The following PCDH15 variants were observed in gnomAD, a reference collection of about 807,000 sequenced individuals.
PCDH15 encodes the protein protocadherin-15.
A neutral mutation model predicts 178.5 loss-of-function variants in PCDH15; 129 were observed. The observed-to-expected ratio is 0.72, with a 90% CI of 0.63 to 0.84. The LOEUF is 0.84. Ranked by LOEUF, PCDH15 falls within the 40% of genes least tolerant of loss-of-function variation. The probability of loss-of-function intolerance (pLI) is 0.00; values close to 1 mark genes in which losing one functional copy is unlikely to be tolerated. For synonymous variants in PCDH15, 800 were observed against 732.0 expected (o/e 1.09, Z -1.50); for missense variants, 2,230 against 2,099.9 (o/e 1.06, Z -1.21).
chr10:54,176,398 G>A (rs576644038), intron 13 of PCDH15, among the ~76,000 whole-genome samples: 1 of 152,146 alleles, frequency 6.6e-6, no homozygotes, highest in South Asian at 2.1e-4. Flanking sequence ...TTATTAAAGA[G>A]GTAACAATTG....
At chr10:55,175,663 C>CAAAAAA (rs71014459) in intron 1 of PCDH15, among the ~76,000 whole-genome samples, 1 of 106,654 alleles carries the variant, frequency 9.4e-6, no homozygotes, top group Non-Finnish European at 1.9e-5. Flanking sequence ...GACTCTGTCT[C>CAAAAAA]AAAAAAAAAA....
rs566830883 is a variant in PCDH15, at chr10:54,093,006, A to G, written c.1918-2943T>C. 6.4e-4 allele frequency among the ~76,000 whole-genome samples: 98 copies of G among 152,300 alleles called. 1 individual carries two copies. The highest frequency in any genetic ancestry group is 2.2e-3 in the African/African-American group (90 of 41,576). ...GCTTCATGTAAACAATTTTAAGACC[A>G]GATTAATATCGAATCTTTTATTATA... On this transcript the variant is annotated intron_variant, in intron 15 of 37. Transcript: ENST00000644397.
chr10:55,018,805 G>C (rs1840250846), intron 2 of PCDH15, among the ~76,000 whole-genome samples: 1 of 152,010 alleles, frequency 6.6e-6, no homozygotes, highest in Non-Finnish European at 1.5e-5. Context: ...TTGACATTGA[G>C]GCTAGATGTT....
intron 2 of PCDH15, among the ~76,000 whole-genome samples, chr10:54,590,083 T>C (rs2091781529): frequency 6.6e-6 from 1 of 152,204 alleles, no homozygotes; most frequent in African/African-American, 2.4e-5. Flanking sequence ...TTTCCCAGTT[T>C]GGCTTTTATT....
At chr10:53,881,706 T>A (rs1321029309) in intron 26 of PCDH15, among the ~76,000 whole-genome samples, 2 of 152,194 alleles carry the variant, frequency 1.3e-5, no homozygotes, top group Non-Finnish European at 2.9e-5. Flanking sequence ...AGATTACTTT[T>A]GTCTACATAA....
chr10:55,154,222 A>G (rs1423702748), intron 2 of PCDH15, among the ~76,000 whole-genome samples: 1 of 152,158 alleles, frequency 6.6e-6, no homozygotes, highest in Non-Finnish European at 1.5e-5. Context: ...ATATGAATTC[A>G]TCTTTTACAG....
chr10:55,598,020 T>A (rs1212060390), intron 2 of PCDH15, among the ~76,000 whole-genome samples: 1 of 152,032 alleles, frequency 6.6e-6, no homozygotes, highest in Non-Finnish European at 1.5e-5. Context: ...TAAACGCAGC[T>A]CAAAACACTT....
intron 2 of PCDH15, among the ~76,000 whole-genome samples, chr10:55,549,168 G>GT (rs1321958280): frequency 1.4e-5 from 2 of 147,614 alleles, no homozygotes; most frequent in Admixed American, 1.3e-4. Context: ...TTGTTTGTTT[G>GT]TTTGTTTTTT....
At chr10:53,897,063 C>A (rs955088558) in intron 26 of PCDH15, among the ~76,000 whole-genome samples, 5 of 152,126 alleles carry the variant, frequency 3.3e-5, no homozygotes, top group Admixed American at 6.5e-5. Flanking sequence ...CAAAACCAGG[C>A]CCTGGTGCCA....
chr10:54,840,571 C>A (rs1306304920), intron 3 of PCDH15, among the ~76,000 whole-genome samples: 3 of 151,472 alleles, frequency 2.0e-5, no homozygotes, highest in South Asian at 2.1e-4. Context: ...AACAGAATGG[C>A]AAAACTAAGT....
chr10:55,131,259 T>C (rs1838034872), intron 2 of PCDH15, among the ~76,000 whole-genome samples: 1 of 152,286 alleles, frequency 6.6e-6, no homozygotes, highest in Non-Finnish European at 1.5e-5. Flanking sequence ...GTCTCCATAG[T>C]TGCAGGCATG....
At chr10:54,254,077 G>T (rs1249026879) in intron 8 of PCDH15, among the ~76,000 whole-genome samples, 2 of 151,968 alleles carry the variant, frequency 1.3e-5, no homozygotes, top group East Asian at 3.9e-4. Flanking sequence ...CATTGAAAAG[G>T]ATAAATTTAT....
At chr10:54,277,719 T>C (rs374237805) in intron 8 of PCDH15, among the ~76,000 whole-genome samples, 6 of 151,702 alleles carry the variant, frequency 4.0e-5, no homozygotes, top group African/African-American at 1.4e-4. Context: ...ATAAAAGTTA[T>C]TTAACAAGAC....
In PCDH15 at chr10:54,392,269, A is replaced by T. The variant is rs1950626603; in HGVS notation, c.158-13327T>A. Among the ~76,000 whole-genome samples, 3 of 128,798 alleles carry T rather than the reference A, an allele frequency of 2.3e-5. No individual in the cohort carries two copies. The South Asian group carries it at 8.5e-4, about 36-fold the overall frequency. 84.5% of individuals were successfully genotyped at this position (128,798 alleles called of 152,430 possible). A position where few individuals can be genotyped will look rare whatever the true frequency, so the allele number is the denominator to read the frequency against. The stretch of plus-strand genomic sequence containing the variant: ...CTCCTGAGGCCAGGAGTTCAAGGTC[A>T]GTCTGGTCAACATGGCGAAACCCAT... On this transcript the variant is annotated intron_variant, in intron 3 of 37. Transcript: ENST00000644397.
chr10:54,910,602 C>T (rs1265944636), intron 2 of PCDH15, among the ~76,000 whole-genome samples: 1 of 152,156 alleles, frequency 6.6e-6, no homozygotes, highest in African/African-American at 2.4e-5. Flanking sequence ...CCCATCAGAT[C>T]ACCTAACTAC....
intron 8 of PCDH15, among the ~76,000 whole-genome samples, chr10:54,307,960 G>A (rs2060656334): frequency 1.3e-5 from 2 of 152,052 alleles, no homozygotes; most frequent in South Asian, 2.1e-4. Context: ...ACTATTTGCT[G>A]GTAACTAGTT....
rs551836917 is a variant in PCDH15, at chr10:55,143,182, G to T, written c.-80+23394C>A. Among the ~76,000 whole-genome samples, 4 of 142,104 alleles carry T rather than the reference G, an allele frequency of 2.8e-5. No homozygotes were observed. The Admixed American group carries it at 2.9e-4, about 10-fold the overall frequency. 93.2% of individuals were successfully genotyped at this position (142,104 alleles called of 152,430 possible). On this transcript the variant is annotated intron_variant, in intron 2 of 5. Transcript: ENST00000458638. ...TTTCCTGTGACCCCCTAGCCATATTGAACTCTGAGTCAATTAAACCTTTTT... is the reference window on the plus strand; with the variant it reads ...TTTCCTGTGACCCCCTAGCCATATTTAACTCTGAGTCAATTAAACCTTTTT...
At chr10:55,472,199 A>T (rs1839969662) in intron 2 of PCDH15, among the ~76,000 whole-genome samples, 1 of 152,132 alleles carries the variant, frequency 6.6e-6, no homozygotes, top group Non-Finnish European at 1.5e-5. Context: ...TAATTTTTTA[A>T]TCTCTGCTTT....
intron 25 of PCDH15, among the ~76,000 whole-genome samples, chr10:53,915,403 A>G (rs964288359): frequency 6.6e-6 from 1 of 152,198 alleles, no homozygotes; most frequent in Admixed American, 6.5e-5. Flanking sequence ...GTTCATTTCA[A>G]TAGTTTTCAA....
Sources: allele counts gnomAD v4.1 joint callset (sites outside exome capture counted in the v4.1 genomes callset), GRCh38; gene constraint gnomAD v4.1.1; transcripts MANE v1.5; gene names NCBI Gene and HGNC (gene_info 2026-07-23, HGNC 2026-07-21).